ARB2A: variants seen among roughly 807,000 people sequenced by gnomAD.
ARB2A encodes ARB2 cotranscriptional regulator A.
the ARB2A span, among the ~76,000 whole-genome samples, chr5:94,099,338 A>C: frequency 6.6e-6 from 1 of 152,094 alleles, no homozygotes; most frequent in Non-Finnish European, 1.5e-5. Flanking sequence ...AAAATCAATA[A>C]ATGTGGCTGG....
At chr5:93,896,077 A>C in the ARB2A span, among the ~76,000 whole-genome samples, 5 of 152,132 alleles carry the variant, frequency 3.3e-5, 2 homozygotes, top group South Asian at 1.0e-3. Flanking sequence ...ATAAGCCATA[A>C]TATATCAATA....
At chr5:93,781,705 A>T in the ARB2A span, among the ~76,000 whole-genome samples, 14 of 147,000 alleles carry the variant, frequency 9.5e-5, no homozygotes, top group African/African-American at 2.7e-4. Context: ...TTTTTTTTTT[A>T]AATAGTAGCC....
the ARB2A span, among the ~76,000 whole-genome samples, chr5:93,930,761 T>A: frequency 1.3e-5 from 2 of 152,224 alleles, no homozygotes; most frequent in African/African-American, 2.4e-5. Flanking sequence ...ATAGTTCTGT[T>A]GAATTTTCCT....
the ARB2A span, chr5:93,741,534 G>T: frequency 6.3e-7 from 1 of 1,595,570 alleles, no homozygotes; most frequent in South Asian, 1.1e-5. Context: ...GAAGGGGGCA[G>T]AAGTGGTTTG....
chr5:93,648,819 C>G, the ARB2A span, among the ~76,000 whole-genome samples: 1 of 152,126 alleles, frequency 6.6e-6, no homozygotes, highest in South Asian at 2.1e-4. Flanking sequence ...GTCCCGATTT[C>G]TTTATTCCTA....
chr5:93,784,460 C>T, the ARB2A span: 2 of 1,613,022 alleles, frequency 1.2e-6, no homozygotes, highest in Non-Finnish European at 1.7e-6. Context: ...AATGCCACAG[C>T]AGTTACCTTA....
chr5:94,020,340 C>T, the ARB2A span, among the ~76,000 whole-genome samples: 2 of 151,954 alleles, frequency 1.3e-5, no homozygotes, highest in African/African-American at 2.4e-5. Context: ...CAGGTTGATG[C>T]GTGCAGCAAA....
chr5:93,897,492 C>T, the ARB2A span, among the ~76,000 whole-genome samples: 1 of 151,674 alleles, frequency 6.6e-6, no homozygotes, highest in African/African-American at 2.4e-5. Context: ...ATTGATGCTC[C>T]CAATAAATTA....
At chr5:94,002,109 G>T in the ARB2A span, among the ~76,000 whole-genome samples, 4 of 151,946 alleles carry the variant, frequency 2.6e-5, no homozygotes, top group African/African-American at 7.3e-5. Flanking sequence ...TAGATAAAAG[G>T]ATAGAGTTGA....
At chr5:93,935,725 A>G in the ARB2A span, among the ~76,000 whole-genome samples, 1 of 152,232 alleles carries the variant, frequency 6.6e-6, no homozygotes, top group African/African-American at 2.4e-5. Flanking sequence ...AAATTTCACC[A>G]AATATAATAT....
the ARB2A span, among the ~76,000 whole-genome samples, chr5:93,914,405 A>T: frequency 6.6e-6 from 1 of 151,970 alleles, no homozygotes; most frequent in Non-Finnish European, 1.5e-5. Flanking sequence ...TTCTTAAGTT[A>T]TATGCAGTTA....
chr5:94,065,758 T>C, the ARB2A span, among the ~76,000 whole-genome samples: 5 of 152,146 alleles, frequency 3.3e-5, no homozygotes, highest in Non-Finnish European at 7.4e-5. Flanking sequence ...AAGAGAAAGA[T>C]AGATTCCAAT....
chr5:94,011,073 A>T, the ARB2A span, among the ~76,000 whole-genome samples: 8 of 152,172 alleles, frequency 5.3e-5, no homozygotes, highest in Admixed American at 3.9e-4. Flanking sequence ...CCAATAGAGC[A>T]CTTCACTCAT....
the ARB2A span, among the ~76,000 whole-genome samples, chr5:93,945,557 AT>A: frequency 6.6e-6 from 1 of 152,178 alleles, no homozygotes. Context: ...CCATTTCAAA[AT>A]ATGATTGAAA....
At chr5:93,992,777 GCAGT>G in the ARB2A span, among the ~76,000 whole-genome samples, 2 of 151,982 alleles carry the variant, frequency 1.3e-5, no homozygotes, top group South Asian at 4.2e-4. Context: ...ATAGTTTTCA[GCAGT>G]CAGATTGGAC....
At chr5:93,807,942 T>G in the ARB2A span, among the ~76,000 whole-genome samples, 18 of 152,064 alleles carry the variant, frequency 1.2e-4, no homozygotes, top group Non-Finnish European at 1.9e-4. Context: ...ATGAACTCAG[T>G]GTAACACTGT....
At chr5:94,060,169 C>T in the ARB2A span, among the ~76,000 whole-genome samples, 1 of 152,016 alleles carries the variant, frequency 6.6e-6, no homozygotes. Context: ...ACCAGCCTGA[C>T]CAACATGACC....
At chr5:93,877,786 G>A in the ARB2A span, among the ~76,000 whole-genome samples, 16 of 152,054 alleles carry the variant, frequency 1.1e-4, no homozygotes, top group Admixed American at 2.6e-4. Context: ...CACTTATAAC[G>A]TGGGTTGTAA....
chr5:94,007,552 C>T, the ARB2A span, among the ~76,000 whole-genome samples: 1 of 152,096 alleles, frequency 6.6e-6, no homozygotes, highest in Admixed American at 6.5e-5. Flanking sequence ...GCGGGCAGAT[C>T]ACTTGAGGTC....
Sources: allele counts gnomAD v4.1 joint callset (sites outside exome capture counted in the v4.1 genomes callset), GRCh38; gene constraint gnomAD v4.1.1; transcripts MANE v1.5; gene names NCBI Gene and HGNC (gene_info 2026-07-23, HGNC 2026-07-21).